Variants in LRRIQ3 observed in about 807,000 individuals in gnomAD.
The protein encoded by LRRIQ3 is leucine rich repeats and IQ motif containing 3, also known as leucine-rich repeat and IQ domain-containing protein 3.
A neutral mutation model predicts 59.3 loss-of-function variants in LRRIQ3; 75 were observed. That is an observed-to-expected ratio of 1.26 (90% CI 1.05 to 1.53). The LOEUF is 1.53. LRRIQ3 is among the 40% of genes most tolerant of loss of function. The pLI is 0.00. For synonymous variants in LRRIQ3, 250 were observed against 231.3 expected (o/e 1.08, Z -0.73); for missense variants, 831 against 710.0 (o/e 1.17, Z -1.94).
intron 5 of LRRIQ3, among the ~76,000 whole-genome samples, chr1:74,077,360 C>T (rs1211163630): frequency 1.3e-5 from 2 of 151,932 alleles, no homozygotes; most frequent in Admixed American, 6.6e-5. Flanking sequence ...ATATATCTCA[C>T]TTTTATCCTA....
Position 74,041,723 on chromosome 1 carries a change from C to T in LRRIQ3, c.1208G>A (p.Ser403Asn). 2 of 1,613,612 alleles carry T rather than the reference C, an allele frequency of 1.2e-6. No individual in the cohort carries two copies. Among genetic ancestry groups the T allele is most frequent in the South Asian group, 2.2e-5 (2 of 91,056 alleles). The change falls in exon 7 of 8, where the codon AGT (serine) becomes AAT (asparagine). Residue 403 changes from serine to asparagine, a missense_variant. Transcript: ENST00000354431. The stretch of plus-strand genomic sequence containing the variant: ...TTGTGGTGCAAAAAACTCTTTCATA[C>T]TCCGCTCCAATCGTATGTCTTTTTT... ...IIKKDIRLERSMKEFFAPQRA... is the reference protein window; with the variant it reads ...IIKKDIRLERNMKEFFAPQRA...
chr1:74,045,523 C>T (rs189677095), intron 6 of LRRIQ3, among the ~76,000 whole-genome samples: 102 of 152,090 alleles, frequency 6.7e-4, no homozygotes, highest in Admixed American at 4.7e-3. Flanking sequence ...GGGCAAAAAC[C>T]GGCAGCATTC....
chr1:74,032,762 T>C (rs755295376), intron 7 of LRRIQ3, among the ~76,000 whole-genome samples: 4 of 151,992 alleles, frequency 2.6e-5, no homozygotes, highest in Admixed American at 6.6e-5. Flanking sequence ...TTCATAGTCC[T>C]GGGAATCAAG....
intron 5 of LRRIQ3, chr1:74,095,206 T>C (rs1646436327): frequency 6.6e-6 from 1 of 152,254 alleles, no homozygotes; most frequent in Admixed American, 6.6e-5. Context: ...ATAGAGGCCA[T>C]GTATGCTGGA....
At chr1:74,147,524 T>A (rs959768455) in intron 4 of LRRIQ3, among the ~76,000 whole-genome samples, 2 of 152,148 alleles carry the variant, frequency 1.3e-5, no homozygotes, top group Admixed American at 6.6e-5. Flanking sequence ...AAAATGCTAA[T>A]CATTTCAGAA....
chr1:74,150,015 C>G (rs182008416), intron 4 of LRRIQ3, among the ~76,000 whole-genome samples: 9 of 152,164 alleles, frequency 5.9e-5, no homozygotes, highest in African/African-American at 2.2e-4. Context: ...TTCTGGCTAA[C>G]GAAATGTAGG....
At chr1:74,058,122 T>C (rs562069242) in intron 6 of LRRIQ3, among the ~76,000 whole-genome samples, 23 of 152,196 alleles carry the variant, frequency 1.5e-4, no homozygotes, top group Non-Finnish European at 2.4e-4. Context: ...ACACTGTTGG[T>C]AGGAGCATAC....
At chr1:74,087,635 AC>A (rs1378147788) in intron 5 of LRRIQ3, among the ~76,000 whole-genome samples, 2 of 151,984 alleles carry the variant, frequency 1.3e-5, no homozygotes, top group Admixed American at 1.3e-4. Flanking sequence ...TTATGTAAAA[AC>A]AATCTGTGTT....
chr1:74,109,587 GT>G, intron 4 of LRRIQ3, 34 bp from the exon 5 acceptor site: 1 of 1,516,994 alleles, frequency 6.6e-7, no homozygotes, highest in Non-Finnish European at 8.8e-7. Context: ...CTATTTGTTA[GT>G]TTTTTGCCAT....
chr1:74,074,294 A>G (rs1031949821), intron 6 of LRRIQ3, among the ~76,000 whole-genome samples: 2 of 152,164 alleles, frequency 1.3e-5, no homozygotes, highest in Non-Finnish European at 2.9e-5. Context: ...AATAGAGAAT[A>G]CATAGAGAAA....
At chr1:74,100,808 A>T (rs889054945) in intron 5 of LRRIQ3, among the ~76,000 whole-genome samples, 21 of 152,314 alleles carry the variant, frequency 1.4e-4, no homozygotes, top group African/African-American at 4.8e-4. Context: ...AGAAATGGGG[A>T]AAGGATTCCC....
At chr1:74,071,650 A>T (rs745495788) in intron 6 of LRRIQ3, among the ~76,000 whole-genome samples, 2 of 152,254 alleles carry the variant, frequency 1.3e-5, no homozygotes, top group East Asian at 1.9e-4. Context: ...GATTTGTGTC[A>T]TTCTAATTTG....
chr1:74,137,414 A>T (rs944154390), intron 4 of LRRIQ3, among the ~76,000 whole-genome samples: 2 of 152,246 alleles, frequency 1.3e-5, no homozygotes, highest in South Asian at 2.1e-4. Flanking sequence ...TGCCAGTTAG[A>T]ATGGCAATCT....
Position 74,198,118 on chromosome 1 carries a change from C to T in LRRIQ3, c.-123G>A, listed in dbSNP as rs1651355958. On this transcript the variant is annotated 5_prime_UTR_variant, in exon 1 of 8. An upstream open reading frame in the 5' UTR gains an earlier in-frame stop. Coordinates refer to ENST00000354431, the MANE Select transcript of LRRIQ3 (RefSeq NM_001105659.2). ...CGTTGCTAGAGAAACAAGACAACATCCAAGTTCTCCACATCATGGTTTTCC... is the reference window on the plus strand; with the variant it reads ...CGTTGCTAGAGAAACAAGACAACATTCAAGTTCTCCACATCATGGTTTTCC... 7.1e-7 allele frequency: 1 copy of T among 1,402,368 alleles called. No individual in the cohort carries two copies. Among genetic ancestry groups the T allele is most frequent in the Non-Finnish European group, 9.4e-7 (1 of 1,063,154 alleles). 86.9% of individuals were successfully genotyped at this position (1,402,368 alleles called of 1,614,324 possible).
chr1:74,119,469 G>C (rs965752115), intron 4 of LRRIQ3, among the ~76,000 whole-genome samples: 1 of 151,752 alleles, frequency 6.6e-6, no homozygotes, highest in African/African-American at 2.4e-5. Context: ...ATATTCTTTT[G>C]AAAGTAGTTA....
chr1:74,127,927 A>C (rs1030479516), intron 4 of LRRIQ3, among the ~76,000 whole-genome samples: 1 of 151,886 alleles, frequency 6.6e-6, no homozygotes, highest in African/African-American at 2.4e-5. Flanking sequence ...GAAATCCCTC[A>C]GTTTTTGTTT....
At chr1:74,157,891 G>A (rs955444465) in intron 3 of LRRIQ3, among the ~76,000 whole-genome samples, 2 of 152,052 alleles carry the variant, frequency 1.3e-5, no homozygotes, top group Admixed American at 6.6e-5. Context: ...CCTGACCTAC[G>A]TAACAATATA....
intron 1 of LRRIQ3, among the ~76,000 whole-genome samples, chr1:74,197,102 G>A (rs1043237619): frequency 6.6e-6 from 1 of 151,980 alleles, no homozygotes; most frequent in African/African-American, 2.4e-5. Context: ...AATTAATGAA[G>A]TTTTAAATGT....
intron 6 of LRRIQ3, among the ~76,000 whole-genome samples, chr1:74,065,929 G>A (rs1352113477): frequency 2.0e-5 from 3 of 152,114 alleles, no homozygotes; most frequent in Non-Finnish European, 4.4e-5. Context: ...GCTCATGCCT[G>A]TAATCCCAGC....
Sources: allele counts gnomAD v4.1 joint callset (sites outside exome capture counted in the v4.1 genomes callset), GRCh38; gene constraint gnomAD v4.1.1; transcripts MANE v1.5; gene names NCBI Gene and HGNC (gene_info 2026-07-23, HGNC 2026-07-21).